The following JAZF1 variants were observed in gnomAD, a reference collection of about 807,000 sequenced individuals.
JAZF1 encodes the protein juxtaposed with another zinc finger protein 1.
In JAZF1, 8 loss-of-function variants were observed where a neutral mutation model predicts 26.4. The ratio of observed to expected loss-of-function variants is 0.30; its 90% CI spans 0.18 to 0.55. The LOEUF (loss-of-function observed/expected upper bound fraction) is 0.55. Among genes scored for constraint, JAZF1 ranks in the 20% least tolerant of loss-of-function variants. JAZF1 has a pLI of 0.94. For synonymous variants in JAZF1, 126 were observed against 122.3 expected (o/e 1.03, Z -0.20); for missense variants, 199 against 322.0 (o/e 0.62, Z 2.92).
chr7:27,996,634 C>A (rs1786023131), intron 1 of JAZF1, among the ~76,000 whole-genome samples: 1 of 152,198 alleles, frequency 6.6e-6, no homozygotes, highest in African/African-American at 2.4e-5. Flanking sequence ...AGACTTTGTT[C>A]AGCACAGCCT....
intron 3 of JAZF1, among the ~76,000 whole-genome samples, chr7:27,892,375 T>C (rs1254188498): frequency 3.9e-5 from 6 of 152,244 alleles, no homozygotes. Flanking sequence ...AAGATTTCTT[T>C]ATGTCTGAAG....
intron 2 of JAZF1, among the ~76,000 whole-genome samples, chr7:27,933,941 CTG>C (rs1267159911): frequency 6.6e-6 from 1 of 152,204 alleles, no homozygotes; most frequent in Admixed American, 6.5e-5. Flanking sequence ...GATGTAAAAA[CTG>C]TACACAGGTT....
intron 3 of JAZF1, among the ~76,000 whole-genome samples, chr7:27,890,581 G>C (rs1357806049): frequency 2.6e-5 from 4 of 152,136 alleles, no homozygotes; most frequent in Non-Finnish European, 5.9e-5. Context: ...CTTATTCTTT[G>C]AATAGACAGA....
intron 1 of JAZF1, among the ~76,000 whole-genome samples, chr7:28,112,089 T>C (rs1364224482): frequency 6.6e-6 from 1 of 152,246 alleles, no homozygotes; most frequent in Non-Finnish European, 1.5e-5. Flanking sequence ...CCTATGATTT[T>C]ATGATCATGA....
chr7:28,015,124 G>A (rs1013739578), intron 1 of JAZF1, among the ~76,000 whole-genome samples: 2 of 151,050 alleles, frequency 1.3e-5, no homozygotes, highest in African/African-American at 2.4e-5. Flanking sequence ...AAATTCTGAC[G>A]CAGCTCAAGT....
intron 1 of JAZF1, among the ~76,000 whole-genome samples, chr7:28,135,344 A>G (rs1562598999): frequency 6.6e-6 from 1 of 152,202 alleles, no homozygotes; most frequent in Non-Finnish European, 1.5e-5. Flanking sequence ...TATGAGACAG[A>G]GCTTTCACCA....
rs975453885 is a variant in JAZF1 at position 27,853,079 on chromosome 7, G to T, written c.386-12212C>A. Among the ~76,000 whole-genome samples the T allele has an allele frequency of 2.6e-5, 4 of 152,162 alleles. No individual in the cohort carries two copies. The East Asian group carries it at 7.7e-4, about 29-fold the overall frequency. On this transcript the variant is annotated intron_variant, in intron 3 of 4. Coordinates refer to ENST00000283928, the MANE Select transcript of JAZF1 (RefSeq NM_175061.4). ...CTGCGGTGACGCCTTCCCAGTCTTT[G>T]ACGTGGCATTTACCTCCCCATTTCT...
chr7:27,912,999 G>A (rs1477472487), intron 2 of JAZF1, among the ~76,000 whole-genome samples: 1 of 151,964 alleles, frequency 6.6e-6, no homozygotes, highest in Non-Finnish European at 1.5e-5. Context: ...TGTCCGTATC[G>A]CTCCCTCGGA....
chr7:27,991,874 T>A lies in JAZF1; in HGVS notation c.188+35A>T, dbSNP rs370971110. On this transcript the variant is annotated intron_variant, in intron 2 of 4. Coordinates refer to ENST00000283928, the MANE Select transcript of JAZF1 (RefSeq NM_175061.4). ...TTAAAAAGTCAATAAGCAGCAGATATAAGGTTGTTATAATAAATTCTGAAA... is the reference window on the plus strand; with the variant it reads ...TTAAAAAGTCAATAAGCAGCAGATAAAAGGTTGTTATAATAAATTCTGAAA... The A allele has an allele frequency of 3.7e-6, 4 of 1,093,190 alleles. No homozygotes were observed. The South Asian group carries it at 5.3e-5, about 15-fold the overall frequency. The allele number at this position is 1,093,190 out of a possible 1,614,324, so 67.7% of individuals were successfully genotyped here. A position where few individuals can be genotyped will look rare whatever the true frequency, so the allele number is the denominator to read the frequency against.
At chr7:27,920,643 T>C (rs1784512692) in intron 2 of JAZF1, among the ~76,000 whole-genome samples, 1 of 152,196 alleles carries the variant, frequency 6.6e-6, no homozygotes, top group Non-Finnish European at 1.5e-5. Flanking sequence ...ACCCTCTTCT[T>C]TCCTGGCCAG....
intron 1 of JAZF1, among the ~76,000 whole-genome samples, chr7:28,175,941 T>G (rs1783544765): frequency 6.6e-6 from 1 of 152,238 alleles, no homozygotes; most frequent in Admixed American, 6.5e-5. Context: ...ATAATGCAAA[T>G]ATTTACTAAA....
At chr7:28,117,861 A>G (rs1286735450) in intron 1 of JAZF1, among the ~76,000 whole-genome samples, 1 of 152,226 alleles carries the variant, frequency 6.6e-6, no homozygotes, top group Non-Finnish European at 1.5e-5. Context: ...GAAGTTTACA[A>G]CTGGGAGGTC....
chr7:27,996,709 T>C (rs1786025061), intron 1 of JAZF1, among the ~76,000 whole-genome samples: 1 of 152,224 alleles, frequency 6.6e-6, no homozygotes, highest in Non-Finnish European at 1.5e-5. Context: ...ACTGTGTTCC[T>C]AGTGCTAGCA....
chr7:28,088,935 C>G (rs1250256673), intron 1 of JAZF1, among the ~76,000 whole-genome samples: 1 of 152,166 alleles, frequency 6.6e-6, no homozygotes, highest in Admixed American at 6.5e-5. Context: ...CATCTCCAAA[C>G]TAGGAGGACA....
At chr7:27,867,527 A>T (rs1404091461) in intron 3 of JAZF1, among the ~76,000 whole-genome samples, 1 of 152,224 alleles carries the variant, frequency 6.6e-6, no homozygotes, top group Non-Finnish European at 1.5e-5. Flanking sequence ...TTGGCTTCCT[A>T]ACAGGGCAGC....
intron 3 of JAZF1, among the ~76,000 whole-genome samples, chr7:27,856,314 T>C (rs938253079): frequency 2.6e-5 from 4 of 152,246 alleles, no homozygotes; most frequent in African/African-American, 2.4e-5. Flanking sequence ...GTTGTCTTGC[T>C]GGCTTCAAGA....
At chr7:28,137,728 G>T (rs1308438507) in intron 1 of JAZF1, among the ~76,000 whole-genome samples, 1 of 152,178 alleles carries the variant, frequency 6.6e-6, no homozygotes, top group Non-Finnish European at 1.5e-5. Context: ...CGTGCAGCCA[G>T]AAACTCAGGA....
intron 1 of JAZF1, among the ~76,000 whole-genome samples, chr7:28,087,245 G>GGT (rs1784225286): frequency 6.6e-6 from 1 of 152,022 alleles, no homozygotes; most frequent in South Asian, 2.1e-4. Flanking sequence ...AGTAAGACAG[G>GGT]GTCTCACTTG....
At chr7:27,880,249 T>C (rs1783745687) in intron 3 of JAZF1, among the ~76,000 whole-genome samples, 11 of 152,124 alleles carry the variant, frequency 7.2e-5, no homozygotes, top group Admixed American at 6.6e-4. Flanking sequence ...CACATATTTG[T>C]TGGAAAGCAA....
Sources: gnomAD v4.1 joint callset for allele counts (sites outside exome capture counted in the v4.1 genomes callset) on GRCh38, gnomAD v4.1.1 for gene constraint, MANE v1.5 for transcripts, NCBI Gene and HGNC (gene_info 2026-07-23, HGNC 2026-07-21) for gene names.